ZFAT: variants seen among roughly 807,000 people sequenced by gnomAD.
The protein encoded by ZFAT is zinc finger and AT-hook domain containing.
ZFAT carries 64 observed loss-of-function variants against 117.7 expected under a neutral mutation model. The ratio of observed to expected loss-of-function variants is 0.54; its 90% confidence interval spans 0.44 to 0.67. The LOEUF (loss-of-function observed/expected upper bound fraction) is 0.67. Among genes scored for constraint, ZFAT ranks in the 30% least tolerant of loss-of-function variants. The pLI is 0.00. For missense variants in ZFAT, 1,433 were observed against 1,584.5 expected (o/e 0.90, Z 1.62); for synonymous variants, 679 against 615.0 (o/e 1.10, Z -1.54).
At chr8:134,830,120 C>T in the ZFAT span, among the ~76,000 whole-genome samples, 12 of 152,112 alleles carry the variant, frequency 7.9e-5, no homozygotes, top group Non-Finnish European at 1.5e-4. Context: ...TCAACAAGAC[C>T]TACAGGAGGG....
chr8:134,610,421 C>G (rs1450479953), intron 4 of ZFAT, 49 bp downstream of exon 4: 4 of 1,561,894 alleles, frequency 2.6e-6, no homozygotes, highest in Non-Finnish European at 3.5e-6. Context: ...GCCCTTGGCA[C>G]AGACTTGCCA....
At chr8:134,502,853 G>A (rs1472837431) in intron 15 of ZFAT, among the ~76,000 whole-genome samples, 2 of 152,244 alleles carry the variant, frequency 1.3e-5, no homozygotes, top group Non-Finnish European at 2.9e-5. Flanking sequence ...ATGGGTCTGA[G>A]GCAGTCCAAA....
intron 11 of ZFAT, among the ~76,000 whole-genome samples, chr8:134,544,880 G>A (rs1419746820): frequency 6.6e-6 from 1 of 152,126 alleles, no homozygotes; most frequent in African/African-American, 2.4e-5. Flanking sequence ...AACCACTTTG[G>A]AAAACAGCTG....
At chr8:134,652,270 A>T (rs1267585433) in intron 2 of ZFAT, among the ~76,000 whole-genome samples, 1 of 152,238 alleles carries the variant, frequency 6.6e-6, no homozygotes, top group Non-Finnish European at 1.5e-5. Flanking sequence ...CTGTCTCAAA[A>T]TAATAATAAT....
At chr8:134,607,868 A>G (rs1828012841) in intron 5 of ZFAT, among the ~76,000 whole-genome samples, 1 of 152,236 alleles carries the variant, frequency 6.6e-6, no homozygotes, top group South Asian at 2.1e-4. Context: ...CTGGTTTGCT[A>G]TGGGTGGTCA....
At chr8:134,726,943 C>T in the ZFAT span, among the ~76,000 whole-genome samples, 1 of 152,130 alleles carries the variant, frequency 6.6e-6, no homozygotes, top group Non-Finnish European at 1.5e-5. Context: ...TTCCCTGGCA[C>T]TGGCTGTGAT....
chr8:134,608,649 C>G, intron 5 of ZFAT, 80 bp downstream of exon 5: 1 of 1,507,004 alleles, frequency 6.6e-7, no homozygotes, highest in Non-Finnish European at 8.9e-7. Flanking sequence ...AACGAACAAG[C>G]ATGCTGATCC....
At chr8:134,743,988 G>A in the ZFAT span, among the ~76,000 whole-genome samples, 32 of 152,296 alleles carry the variant, frequency 2.1e-4, no homozygotes, top group South Asian at 6.2e-3. Context: ...TTGCTCCTCC[G>A]TTTGTTTTCT....
At chr8:134,504,308 C>T (rs1819229572) in intron 15 of ZFAT, among the ~76,000 whole-genome samples, 2 of 152,076 alleles carry the variant, frequency 1.3e-5, no homozygotes, top group South Asian at 4.1e-4. Flanking sequence ...GCAGTAAAAA[C>T]AATACAAAAT....
chr8:134,594,354 C>A (rs1826756242), intron 7 of ZFAT, among the ~76,000 whole-genome samples: 1 of 152,102 alleles, frequency 6.6e-6, no homozygotes, highest in African/African-American at 2.4e-5. Context: ...CCGGGTGTAC[C>A]CATTTATTTC....
At chr8:134,599,538 T>A (rs1045815168) in intron 7 of ZFAT, 2 of 327,886 alleles carry the variant, frequency 6.1e-6, no homozygotes, top group African/African-American at 4.5e-5. Flanking sequence ...GGAGACAGTG[T>A]TTGAATCCAG....
intron 1 of ZFAT, among the ~76,000 whole-genome samples, chr8:134,663,539 C>T (rs1832047789): frequency 6.6e-6 from 1 of 152,058 alleles, no homozygotes; most frequent in Non-Finnish European, 1.5e-5. Flanking sequence ...GAGTGTGAAA[C>T]CAGCCTGGCC....
intron 3 of ZFAT, among the ~76,000 whole-genome samples, chr8:134,632,941 A>G (rs894087215): frequency 1.1e-4 from 16 of 152,242 alleles, no homozygotes; most frequent in African/African-American, 3.9e-4. Flanking sequence ...TGTTCACAAA[A>G]GAGACTGGCA....
chr8:134,748,218 A>G, the ZFAT span, among the ~76,000 whole-genome samples: 1 of 152,176 alleles, frequency 6.6e-6, no homozygotes, highest in African/African-American at 2.4e-5. Context: ...CCTTGCTTTA[A>G]TAACAACCCC....
chr8:134,662,147 CTG>C (rs139426628), intron 1 of ZFAT, among the ~76,000 whole-genome samples: 191 of 152,260 alleles, frequency 1.3e-3, no homozygotes, highest in Non-Finnish European at 1.0e-3. Flanking sequence ...TGCCTTCTTG[CTG>C]TGTCCTCACA....
At chr8:134,728,626 C>T in the ZFAT span, among the ~76,000 whole-genome samples, 1 of 152,184 alleles carries the variant, frequency 6.6e-6, no homozygotes, top group South Asian at 2.1e-4. Context: ...CAAAGATGCA[C>T]ATCCAACCCC....
At chr8:134,618,545 C>A (rs1226942231) in intron 3 of ZFAT, among the ~76,000 whole-genome samples, 3 of 152,166 alleles carry the variant, frequency 2.0e-5, no homozygotes, top group Non-Finnish European at 2.9e-5. Context: ...TTGCTGGTTA[C>A]CCCCTCCTCA....
At chr8:134,642,865 G>C (rs768676564) in intron 2 of ZFAT, among the ~76,000 whole-genome samples, 97 of 152,296 alleles carry the variant, frequency 6.4e-4, no homozygotes, top group Non-Finnish European at 7.9e-4. Context: ...AGCAATAGGG[G>C]AGACAATGAA....
chr8:134,814,500 C>A, the ZFAT span, among the ~76,000 whole-genome samples: 2 of 152,230 alleles, frequency 1.3e-5, no homozygotes, highest in Admixed American at 1.3e-4. Context: ...GATTAACCCA[C>A]TAGACCTGAT....
Sources: allele counts gnomAD v4.1 joint callset (sites outside exome capture counted in the v4.1 genomes callset), GRCh38; gene constraint gnomAD v4.1.1; transcripts MANE v1.5; gene names NCBI Gene and HGNC (gene_info 2026-07-23, HGNC 2026-07-21).